Variants in TP73 observed in about 807,000 individuals in gnomAD.
TP73 encodes the protein p53-like transcription factor.
In TP73, 25 loss-of-function variants were observed where a neutral mutation model predicts 62.5. That is an observed-to-expected ratio of 0.40 (90% CI 0.29 to 0.56). The LOEUF (loss-of-function observed/expected upper bound fraction) is 0.56, where lower values mean the gene tolerates loss of function less well. TP73 is among the 20% of genes least tolerant of loss of function. The probability of loss-of-function intolerance (pLI) is 0.46; values close to 1 mark genes in which losing one functional copy is unlikely to be tolerated. For missense variants in TP73, 754 were observed against 913.3 expected, an observed-to-expected ratio of 0.83 and a Z score of 2.25; for synonymous variants, 423 against 377.5, an observed-to-expected ratio of 1.12 and a Z score of -1.40.
intron 1 of TP73, among the ~76,000 whole-genome samples, chr1:3,669,964 G>A (rs543064286): frequency 4.9e-4 from 75 of 152,316 alleles, no homozygotes; most frequent in African/African-American, 1.7e-3. Context: ...GTGAGAGGGT[G>A]GGTAGGGAAA....
intron 4 of TP73, among the ~76,000 whole-genome samples, chr1:3,709,967 AC>A (rs1639994182): frequency 6.6e-6 from 1 of 151,394 alleles, no homozygotes; most frequent in Admixed American, 6.6e-5. Flanking sequence ...TGCCACCCCC[AC>A]CCCCTGCCAG....
intron 1 of TP73, 66 bp from the exon 2 acceptor site, chr1:3,682,267 G>A: frequency 1.6e-6 from 2 of 1,231,736 alleles, no homozygotes; most frequent in South Asian, 2.3e-5. Context: ...CCCCCACCGA[G>A]GCTGTCACAG....
In TP73 at chr1:3,733,206, C is replaced by G; in HGVS notation, c.*127C>G. 8.6e-7 allele frequency: 1 copy of G among 1,156,870 alleles called. No individual in the cohort carries two copies. The highest frequency in any genetic ancestry group is 1.2e-6 in the Non-Finnish European group (1 of 843,570). 71.7% of individuals were successfully genotyped at this position (1,156,870 alleles called of 1,614,324 possible). A position where few individuals can be genotyped will look rare whatever the true frequency, so the allele number is the denominator to read the frequency against. Reference sequence around the variant, plus strand: ...GGCTGTGCCCGGGGAAAGGCAAGGTCCGGCCCATCCCCAGGCACCTCACAG... The same window carrying G: ...GGCTGTGCCCGGGGAAAGGCAAGGTGCGGCCCATCCCCAGGCACCTCACAG... On this transcript the variant is annotated 3_prime_UTR_variant, in exon 14 of 14. Coordinates refer to ENST00000378295, the MANE Select transcript of TP73 (RefSeq NM_005427.4).
intron 3 of TP73, among the ~76,000 whole-genome samples, chr1:3,703,842 G>C (rs555779951): frequency 1.3e-5 from 2 of 152,160 alleles, no homozygotes; most frequent in Non-Finnish European, 2.9e-5. Context: ...GTTCTTGCCC[G>C]GGGGACTCAA....
intron 6 of TP73, among the ~76,000 whole-genome samples, chr1:3,725,858 A>G (rs1350443722): frequency 5.8e-4 from 3 of 5,174 alleles, no homozygotes; most frequent in African/African-American, 1.8e-3. Flanking sequence ...GGATGGATGG[A>G]GTGGGTGGGT....
At chr1:3,694,369 A>C (rs74217623) in intron 3 of TP73, among the ~76,000 whole-genome samples, 14 of 11,256 alleles carry the variant, frequency 1.2e-3, no homozygotes, top group African/African-American at 2.2e-3. Flanking sequence ...AATCCCAGCC[A>C]TGCAGCCTCA....
rs764671017 is a variant in TP73, at chr1:3,722,072, A to C, written c.481A>C (p.Ile161Leu). ...CTGCCAGATCGCCAAGACATGCCCC[A>C]TCCAGATCAAGGTGTCCACCCCGCC... ...LYCQIAKTCP[I>L]QIKVSTPPPP... The change falls in exon 5 of 14, where the codon ATC (isoleucine) becomes CTC (leucine). Residue 161 changes from isoleucine to leucine, a missense_variant. Coordinates refer to ENST00000378295, the MANE Select transcript of TP73 (RefSeq NM_005427.4). 7.4e-6 allele frequency: 12 copies of C among 1,612,896 alleles called. No homozygotes were observed. Among genetic ancestry groups the C allele is most frequent in the Non-Finnish European group, 9.3e-6 (11 of 1,179,704 alleles).
rs1642323200 is a variant in TP73 at position 3,733,973 on chromosome 1, C to T, written c.*894C>T. The T allele has an allele frequency of 6.7e-6, 1 of 149,654 alleles. No individual in the cohort carries two copies. Among genetic ancestry groups the T allele is most frequent in the Admixed American group, 6.6e-5 (1 of 15,038 alleles). 9.3% of individuals were successfully genotyped at this position (149,654 alleles called of 1,614,324 possible). On this transcript the variant is annotated 3_prime_UTR_variant, in exon 14 of 14. Coordinates refer to ENST00000378295, the MANE Select transcript of TP73 (RefSeq NM_005427.4). ...CTCAGCATTCTCTTTGGAGTTCAAC[C>T]TAGCGCCCATGAGCCAGGCTGAGGA...
At chr1:3,679,569 GTC>G (rs1415493839) in intron 1 of TP73, among the ~76,000 whole-genome samples, 1 of 134,232 alleles carries the variant, frequency 7.4e-6, no homozygotes, top group South Asian at 2.7e-4. Context: ...CCCTGTCTCT[GTC>G]TCTCTCACTC....
At chr1:3,678,806 G>C (rs1440098856) in intron 1 of TP73, among the ~76,000 whole-genome samples, 1 of 152,222 alleles carries the variant, frequency 6.6e-6, no homozygotes, top group Admixed American at 6.5e-5. Context: ...GCCCCACTGT[G>C]GGGAGGGGTG....
At chr1:3,685,764 A>G (rs1380329893) in intron 3 of TP73, among the ~76,000 whole-genome samples, 2 of 152,172 alleles carry the variant, frequency 1.3e-5, no homozygotes, top group African/African-American at 4.8e-5. Context: ...GCATTGTTTT[A>G]AAGTTCAGCC....
chr1:3,661,770 T>C (rs1049768353), intron 1 of TP73, among the ~76,000 whole-genome samples: 2 of 148,048 alleles, frequency 1.4e-5, no homozygotes, highest in Non-Finnish European at 3.0e-5. Flanking sequence ...ATACACTATA[T>C]ATAATATGTA....
intron 13 of TP73, among the ~76,000 whole-genome samples, chr1:3,732,036 G>A (rs577179859): frequency 1.0e-3 from 152 of 152,314 alleles, no homozygotes; most frequent in Middle Eastern, 6.8e-3. Flanking sequence ...AAACAGCCAC[G>A]GCTTGTCTTT....
At chr1:3,727,492 C>A in intron 7 of TP73, 136 bp from the exon 8 acceptor site, 1 of 1,290,866 alleles carries the variant, frequency 7.7e-7, no homozygotes, top group Non-Finnish European at 1.1e-6. Context: ...GGAACACTCG[C>A]TGCCGGCACT....
intron 1 of TP73, among the ~76,000 whole-genome samples, chr1:3,655,537 A>C (rs1221943360): frequency 6.6e-6 from 1 of 152,380 alleles, no homozygotes. Context: ...TTAAAAGCAA[A>C]AAAGAAAAAA....
At chr1:3,729,280 G>A (rs2096224) in intron 9 of TP73, 47 bp from the exon 10 acceptor site, 1,170,941 of 1,609,704 alleles carry the variant, frequency 0.73, 435,443 homozygotes, top group Non-Finnish European at 0.78. Flanking sequence ...CCCCCCTCCC[G>A]TGGGGGTCTG....
chr1:3,686,472 T>C (rs12033056), intron 3 of TP73, among the ~76,000 whole-genome samples: 28,478 of 152,138 alleles, frequency 0.19, 2,905 homozygotes, highest in Admixed American at 0.28. Flanking sequence ...GCATAGACTC[T>C]GGGATGCCAG....
intron 3 of TP73, chr1:3,690,786 C>A: frequency 6.6e-7 from 1 of 1,517,554 alleles, no homozygotes; most frequent in South Asian, 1.2e-5. Flanking sequence ...GAGCCTCTCC[C>A]GCTCGGTCCA....
Position 3,733,216 on chromosome 1 carries a change from C to A in TP73, c.*137C>A. The stretch of plus-strand genomic sequence containing the variant: ...GGGGAAAGGCAAGGTCCGGCCCATC[C>A]CCAGGCACCTCACAGGCCCCAGGAA... On this transcript the variant is annotated 3_prime_UTR_variant, in exon 14 of 14. Transcript: ENST00000378295. The A allele has an allele frequency of 9.3e-7, 1 of 1,069,718 alleles. No homozygotes were observed. The highest frequency in any genetic ancestry group is 1.3e-6 in the Non-Finnish European group (1 of 764,736). 66.3% of individuals were successfully genotyped at this position (1,069,718 alleles called of 1,614,324 possible). A position where few individuals can be genotyped will look rare whatever the true frequency, so the allele number is the denominator to read the frequency against.
Sources: allele counts gnomAD v4.1 joint callset (sites outside exome capture counted in the v4.1 genomes callset), GRCh38; gene constraint gnomAD v4.1.1; transcripts MANE v1.5; gene names NCBI Gene and HGNC (gene_info 2026-07-23, HGNC 2026-07-21).